Variants in HUNK observed in about 807,000 individuals in gnomAD.
The protein encoded by HUNK is hormonally up-regulated Neu-associated kinase.
HUNK carries 21 observed loss-of-function variants against 61.0 expected under a neutral mutation model. The observed-to-expected ratio is 0.34, with a 90% CI of 0.24 to 0.50. HUNK has a LOEUF of 0.50. Among genes scored for constraint, HUNK ranks in the 20% least tolerant of loss-of-function variants. The pLI is 0.98. For synonymous variants in HUNK, 371 were observed against 386.1 expected, an observed-to-expected ratio of 0.96 and a Z score of 0.46; for missense variants, 772 against 945.7, an observed-to-expected ratio of 0.82 and a Z score of 2.41.
intron 1 of HUNK, among the ~76,000 whole-genome samples, chr21:31,923,084 G>A (rs2052633645): frequency 6.6e-6 from 1 of 152,188 alleles, no homozygotes; most frequent in Non-Finnish European, 1.5e-5. Context: ...ACAGCTGGAA[G>A]AAGACATTGA....
In HUNK at chr21:31,924,850, G is replaced by C; in HGVS notation, c.554+90G>C. 1.0e-6 allele frequency: 1 copy of C among 1,002,190 alleles called. No individual in the cohort carries two copies. Among genetic ancestry groups the C allele is most frequent in the Non-Finnish European group, 1.5e-6 (1 of 684,440 alleles). The allele number at this position is 1,002,190 out of a possible 1,614,324, so 62.1% of individuals were successfully genotyped here. On this transcript the variant is annotated intron_variant, in intron 2 of 10. Transcript: ENST00000270112. This position sits in a 1 kb window ranked among gnomAD's most constrained non-coding sequence, Gnocchi z 5.1. ...ACCCTCTGAGCCTCTGAGAAAGGCT[G>C]AGCAATTGCAGCCTGTTTTACAATT...
chr21:31,976,459 CTTT>C (rs34950116), intron 7 of HUNK, among the ~76,000 whole-genome samples: 4 of 63,626 alleles, frequency 6.3e-5, no homozygotes, highest in East Asian at 5.1e-4. Flanking sequence ...TTTTTTGAGA[CTTT>C]TTTTTTTTTT....
intron 2 of HUNK, among the ~76,000 whole-genome samples, chr21:31,931,313 G>C (rs1316342103): frequency 6.6e-6 from 1 of 152,022 alleles, no homozygotes; most frequent in Non-Finnish European, 1.5e-5. Flanking sequence ...AATACTCTTT[G>C]CTTATGGCCA....
chr21:31,949,876 G>T (rs77329056), intron 4 of HUNK, among the ~76,000 whole-genome samples: 3 of 152,106 alleles, frequency 2.0e-5, no homozygotes, highest in Non-Finnish European at 4.4e-5. Context: ...GAGGTGCCAG[G>T]CTCTTTGTAA....
chr21:31,939,814 C>T (rs188539470), intron 2 of HUNK, among the ~76,000 whole-genome samples: 322 of 151,708 alleles, frequency 2.1e-3, no homozygotes, highest in Non-Finnish European at 3.5e-3. Flanking sequence ...TTTGCCTGGC[C>T]GCTCAGGCTG....
intron 10 of HUNK, among the ~76,000 whole-genome samples, chr21:31,998,076 C>A (rs375544272): frequency 1.2e-3 from 187 of 152,258 alleles, no homozygotes; most frequent in African/African-American, 4.4e-3. Flanking sequence ...TGCCACCACA[C>A]CCTGCTAATT....
At chr21:31,906,013 T>C (rs181749556) in intron 1 of HUNK, among the ~76,000 whole-genome samples, 34 of 152,120 alleles carry the variant, frequency 2.2e-4, no homozygotes, top group Admixed American at 2.1e-3. Flanking sequence ...AGCTGCTGTG[T>C]CTCTCCCTCC....
At chr21:31,970,132 G>A (rs1421770708) in intron 6 of HUNK, among the ~76,000 whole-genome samples, 1 of 152,180 alleles carries the variant, frequency 6.6e-6, no homozygotes, top group South Asian at 2.1e-4. Flanking sequence ...GTCCTGTGTG[G>A]TCATAGGTTC....
chr21:31,983,593 C>G lies in HUNK; in HGVS notation c.1241C>G (p.Pro414Arg). ...RLYQIEKYRA[P>R]KESYEASLDT... ...TACCAGATAGAAAAGTACAGGGCCC[C>G]CAAGGAGTCCTATGAGGTGAGTGAC... Residue 414 changes from proline to arginine, a missense_variant, in exon 8 of 11, where the codon CCC (proline) becomes CGC (arginine). Around this residue, in one of 2 missense-constraint regions of HUNK, gnomAD observed 413 missense variants for 444.4 expected, o/e 0.93. Transcript: ENST00000270112. The G allele has an allele frequency of 1.9e-6, 3 of 1,613,300 alleles. No homozygotes were observed. The highest frequency in any genetic ancestry group is 1.7e-6 in the Non-Finnish European group (2 of 1,179,622).
intron 1 of HUNK, among the ~76,000 whole-genome samples, chr21:31,905,591 C>A (rs2052499587): frequency 6.6e-6 from 1 of 152,176 alleles, no homozygotes; most frequent in Admixed American, 6.5e-5. Flanking sequence ...GGATTCCTGG[C>A]CCTTCCTGAG....
At chr21:31,906,548 G>A (rs1055767772) in intron 1 of HUNK, among the ~76,000 whole-genome samples, 2 of 152,124 alleles carry the variant, frequency 1.3e-5, no homozygotes, top group African/African-American at 4.8e-5. Context: ...TCCTGCCTCA[G>A]CCTCCCAAGT....
intron 7 of HUNK, among the ~76,000 whole-genome samples, chr21:31,978,147 G>T (rs1309069017): frequency 1.3e-5 from 2 of 152,184 alleles, no homozygotes; most frequent in Admixed American, 6.5e-5. Context: ...AACTCAGCTG[G>T]TGTCATTCTA....
At position 31,961,761 on chromosome 21, in the gene HUNK, T is replaced by C. The variant is rs557179240; in HGVS notation, c.874+2791T>C. 3.4e-4 allele frequency among the ~76,000 whole-genome samples: 52 copies of C among 152,218 alleles called. 1 individual carries two copies. In the South Asian group the frequency reaches 9.5e-3, roughly 28 times the overall value. ...GAGCCTGTTTTATTCAAGTGACCCA[T>C]AACAAAGGACAAAAGGAGGATGAAT... On this transcript the variant is annotated intron_variant, in intron 5 of 10. Transcript: ENST00000270112.
chr21:31,989,014 G>A (rs1463708751), intron 8 of HUNK, among the ~76,000 whole-genome samples: 1 of 151,878 alleles, frequency 6.6e-6, no homozygotes, highest in Non-Finnish European at 1.5e-5. Flanking sequence ...GTAGAGAGGG[G>A]GTTTCAACAT....
intron 2 of HUNK, among the ~76,000 whole-genome samples, chr21:31,925,902 G>A (rs887633305): frequency 2.0e-5 from 3 of 151,120 alleles, no homozygotes; most frequent in African/African-American, 7.3e-5. Context: ...ATTACTCTGG[G>A]TTATTGAGAA....
intron 5 of HUNK, among the ~76,000 whole-genome samples, chr21:31,963,281 C>T (rs1470569056): frequency 6.6e-6 from 1 of 152,190 alleles, no homozygotes; most frequent in Middle Eastern, 3.2e-3. Flanking sequence ...GTCTGCTTGA[C>T]TGAAAACCTA....
At chr21:31,984,999 A>G (rs1026140867) in intron 8 of HUNK, among the ~76,000 whole-genome samples, 1 of 152,194 alleles carries the variant, frequency 6.6e-6, no homozygotes, top group Non-Finnish European at 1.5e-5. Flanking sequence ...GTGGCAGGCA[A>G]GAGAGCTTGT....
intron 2 of HUNK, among the ~76,000 whole-genome samples, chr21:31,926,380 GT>G (rs1431880431): frequency 6.6e-6 from 1 of 152,110 alleles, no homozygotes; most frequent in Non-Finnish European, 1.5e-5. Flanking sequence ...ATTTAAAAGT[GT>G]ATAATCTAGT....
At chr21:31,936,764 TC>T (rs2052735604) in intron 2 of HUNK, among the ~76,000 whole-genome samples, 1 of 152,180 alleles carries the variant, frequency 6.6e-6, no homozygotes, top group Non-Finnish European at 1.5e-5. Context: ...TTATTTTTGG[TC>T]TTTCGTTTAT....
Sources: allele counts gnomAD v4.1 joint callset (sites outside exome capture counted in the v4.1 genomes callset), GRCh38; gene constraint gnomAD v4.1.1; regional missense constraint gnomAD v4.1.1; non-coding constraint Gnocchi (gnomAD v3.1); transcripts MANE v1.5; gene names NCBI Gene and HGNC (gene_info 2026-07-23, HGNC 2026-07-21).